The following BMPR1B variants were observed in gnomAD, a reference collection of about 807,000 sequenced individuals.
BMPR1B encodes the protein bone morphogenetic protein receptor type-1B.
BMPR1B carries 12 observed loss-of-function variants against 59.1 expected under a neutral mutation model. That is an observed-to-expected ratio of 0.20 (90% confidence interval 0.13 to 0.33). The LOEUF (loss-of-function observed/expected upper bound fraction) is 0.33. Ranked by LOEUF, BMPR1B falls within the 10% of genes least tolerant of loss-of-function variation. The pLI is 1.00. For synonymous variants in BMPR1B, 237 were observed against 207.3 expected (o/e 1.14, Z -1.23); for missense variants, 550 against 610.9 (o/e 0.90, Z 1.05).
intron 3 of BMPR1B, among the ~76,000 whole-genome samples, chr4:95,053,343 A>G (rs1726667275): frequency 1.5e-5 from 2 of 134,642 alleles, no homozygotes; most frequent in Non-Finnish European, 3.3e-5. Flanking sequence ...TACTTAATTT[A>G]TCTTATATCA....
intron 10 of BMPR1B, 97 bp from the exon 11 acceptor site, chr4:95,148,651 A>G (rs534888403): frequency 3.1e-6 from 4 of 1,282,572 alleles, no homozygotes; most frequent in Non-Finnish European, 4.5e-6. Flanking sequence ...TTTCTTTTCC[A>G]CTTTTCACTA....
chr4:95,075,518 A>T (rs182832156), intron 3 of BMPR1B, among the ~76,000 whole-genome samples: 94 of 152,272 alleles, frequency 6.2e-4, no homozygotes, highest in Admixed American at 1.2e-3. Context: ...TTGAGTGTTT[A>T]TGCCCAGTTT....
chr4:94,919,051 C>G (rs920187176), intron 2 of BMPR1B, among the ~76,000 whole-genome samples: 1 of 152,028 alleles, frequency 6.6e-6, no homozygotes, highest in African/African-American at 2.4e-5. Context: ...CAGCTGTTTG[C>G]CTTTAATGTT....
At chr4:94,870,867 T>TG (rs1235916053) in intron 1 of BMPR1B, among the ~76,000 whole-genome samples, 1 of 152,120 alleles carries the variant, frequency 6.6e-6, no homozygotes, top group Non-Finnish European at 1.5e-5. Context: ...AAGGTGTCTT[T>TG]TGGTAGGCTC....
chr4:95,028,903 A>T (rs1365166204), intron 3 of BMPR1B, among the ~76,000 whole-genome samples: 1 of 151,980 alleles, frequency 6.6e-6, no homozygotes, highest in Non-Finnish European at 1.5e-5. Context: ...GAAAATGTTT[A>T]AAATTGAGGA....
intron 2 of BMPR1B, among the ~76,000 whole-genome samples, chr4:94,880,650 T>C (rs1726924084): frequency 6.7e-6 from 1 of 149,608 alleles, no homozygotes; most frequent in East Asian, 1.9e-4. Flanking sequence ...TTTTTTTTTT[T>C]TTTTTTGAGA....
chr4:95,095,991 G>T, intron 3 of BMPR1B, among the ~76,000 whole-genome samples: 1 of 151,324 alleles, frequency 6.6e-6, no homozygotes. Flanking sequence ...TTGTAACATT[G>T]TACTCTTGAT....
intron 3 of BMPR1B, among the ~76,000 whole-genome samples, chr4:95,033,543 A>C (rs760393777): frequency 2.6e-5 from 4 of 152,148 alleles, no homozygotes; most frequent in Non-Finnish European, 4.4e-5. Flanking sequence ...TTTGTTGGAA[A>C]GACTCTCTTT....
chr4:94,817,956 G>A (rs1048021879), intron 1 of BMPR1B, among the ~76,000 whole-genome samples: 1 of 152,162 alleles, frequency 6.6e-6, no homozygotes, highest in African/African-American at 2.4e-5. Context: ...GTGCCTCACA[G>A]TAGGATCACC....
chr4:94,775,847 G>C (rs933236528), intron 1 of BMPR1B, among the ~76,000 whole-genome samples: 9 of 152,254 alleles, frequency 5.9e-5, no homozygotes, highest in African/African-American at 1.9e-4. Context: ...ATCCCAGCAC[G>C]CTGGGAGGCG....
chr4:94,965,524 A>G (rs905952638), intron 2 of BMPR1B, among the ~76,000 whole-genome samples: 2 of 152,182 alleles, frequency 1.3e-5, no homozygotes, highest in Non-Finnish European at 1.5e-5. Flanking sequence ...CCTGGGTTAT[A>G]TAAGATATTC....
chr4:94,798,768 G>A (rs1384110118), intron 1 of BMPR1B, among the ~76,000 whole-genome samples: 1 of 152,034 alleles, frequency 6.6e-6, no homozygotes, highest in Non-Finnish European at 1.5e-5. Flanking sequence ...GTTGCAGAAT[G>A]TTATTTACCC....
At chr4:95,136,485 G>A (rs1254694987) in intron 10 of BMPR1B, among the ~76,000 whole-genome samples, 1 of 152,118 alleles carries the variant, frequency 6.6e-6, no homozygotes, top group African/African-American at 2.4e-5. Flanking sequence ...AGAAGGCATG[G>A]TACCAGCTCC....
chr4:95,009,862 T>G (rs1220735757), intron 3 of BMPR1B, among the ~76,000 whole-genome samples: 1 of 152,150 alleles, frequency 6.6e-6, no homozygotes. Flanking sequence ...TAAAGAAGGA[T>G]CTTTCACTGA....
chr4:94,911,411 G>A (rs73836195), intron 2 of BMPR1B, among the ~76,000 whole-genome samples: 10,237 of 152,104 alleles, frequency 0.067, 617 homozygotes, highest in African/African-American at 0.15. Context: ...AGGAACAGAG[G>A]GGAAGAAAGC....
chr4:94,869,957 T>G (rs1726414032), intron 1 of BMPR1B, among the ~76,000 whole-genome samples: 1 of 152,190 alleles, frequency 6.6e-6, no homozygotes, highest in African/African-American at 2.4e-5. Flanking sequence ...AGTAGTACTT[T>G]CAAGGGATGT....
chr4:94,846,709 ATCTATATATCTATATATC>A (rs1294983894), intron 1 of BMPR1B, among the ~76,000 whole-genome samples: 1 of 151,718 alleles, frequency 6.6e-6, no homozygotes, highest in Non-Finnish European at 1.5e-5. Context: ...GTATATATGT[ATCTATATATCTATATATC>A]TATATCTATA....
chr4:94,928,348 A>C (rs561849364), intron 2 of BMPR1B, among the ~76,000 whole-genome samples: 2 of 151,998 alleles, frequency 1.3e-5, no homozygotes, highest in East Asian at 3.9e-4. Context: ...GTAGCTGCAA[A>C]TCTTCCGAAT....
At position 94,758,033 on chromosome 4, in the gene BMPR1B, G is replaced by GC. The variant is rs1196532954; in HGVS notation, c.-217dup. On this transcript the variant is annotated 5_prime_UTR_variant, in exon 1 of 13. Transcript: ENST00000515059. ...GACGCCGGGCAGTGCGGAGACCGCG[G>GC]CGCTGAGGACGCGGGAGCCGGGAGC... 1.4e-5 allele frequency: 2 copies of GC among 148,008 alleles called. No homozygotes were observed. Among genetic ancestry groups the GC allele is most frequent in the Non-Finnish European group, 3.0e-5 (2 of 66,170 alleles). The allele number at this position is 148,008 out of a possible 1,614,324, so 9.2% of individuals were successfully genotyped here. A position where few individuals can be genotyped will look rare whatever the true frequency, so the allele number is the denominator to read the frequency against.
Sources: allele counts gnomAD v4.1 joint callset (sites outside exome capture counted in the v4.1 genomes callset), GRCh38; gene constraint gnomAD v4.1.1; transcripts MANE v1.5; gene names NCBI Gene and HGNC (gene_info 2026-07-23, HGNC 2026-07-21).